Variants in CD160 observed in about 807,000 individuals in gnomAD.
The protein encoded by CD160 is CD160 antigen.
A neutral mutation model predicts 19.2 loss-of-function variants in CD160; 11 were observed. That is an observed-to-expected ratio of 0.57 (90% CI 0.36 to 0.95). CD160 has a LOEUF of 0.95. CD160 is among the 40% of genes least tolerant of loss of function. The pLI is 0.01. For synonymous variants in CD160, 75 were observed against 81.1 expected, an observed-to-expected ratio of 0.93 and a Z score of 0.40; for missense variants, 182 against 213.2, an observed-to-expected ratio of 0.85 and a Z score of 0.91.
chr1:145,734,493 T>C (rs1657408472), intron 4 of CD160, among the ~76,000 whole-genome samples: 1 of 152,250 alleles, frequency 6.6e-6, no homozygotes, highest in South Asian at 2.1e-4. Context: ...TTTCATTCTA[T>C]TTATGTGAAT....
chr1:145,722,837 G>C (rs922044612), intron 1 of CD160, among the ~76,000 whole-genome samples: 8 of 151,992 alleles, frequency 5.3e-5, no homozygotes, highest in Non-Finnish European at 1.0e-4. Context: ...CTCGTGATCT[G>C]CCCACCTCGG....
At chr1:145,738,460 C>T (rs782703165) in intron 5 of CD160, 26 bp from the exon 6 acceptor site, 3 of 1,317,100 alleles carry the variant, frequency 2.3e-6, no homozygotes, top group Non-Finnish European at 2.9e-6. Flanking sequence ...AGTTATAAGG[C>T]AGTAATACAA....
chr1:145,738,406 G>A, intron 5 of CD160, 80 bp from the exon 6 acceptor site: 2 of 959,938 alleles, frequency 2.1e-6, no homozygotes, highest in Non-Finnish European at 1.4e-6. Context: ...CGCATCTCAG[G>A]ACAGGTGAGA....
At chr1:145,732,294 T>A in intron 4 of CD160, among the ~76,000 whole-genome samples, 1 of 152,216 alleles carries the variant, frequency 6.6e-6, no homozygotes, top group Admixed American at 6.5e-5. Context: ...CCATGTGATC[T>A]TTTCAAAGAA....
chr1:145,723,449 C>G (rs1288955799), intron 1 of CD160, among the ~76,000 whole-genome samples: 1 of 151,878 alleles, frequency 6.6e-6, no homozygotes, highest in Non-Finnish European at 1.5e-5. Flanking sequence ...TAATAAGTAC[C>G]TTATTAAATT....
intron 2 of CD160, among the ~76,000 whole-genome samples, chr1:145,726,739 G>A (rs1657066469): frequency 6.6e-6 from 1 of 152,144 alleles, no homozygotes; most frequent in Admixed American, 6.5e-5. Context: ...TTAAAAAAAA[G>A]ATATAATGGG....
At chr1:145,733,234 A>G (rs929028730) in intron 4 of CD160, among the ~76,000 whole-genome samples, 3 of 152,120 alleles carry the variant, frequency 2.0e-5, no homozygotes, top group Non-Finnish European at 4.4e-5. Context: ...CCAAGGTTCA[A>G]GTGATTCTCC....
At chr1:145,724,172 T>A (rs1266594171) in intron 1 of CD160, among the ~76,000 whole-genome samples, 1 of 152,218 alleles carries the variant, frequency 6.6e-6, no homozygotes, top group African/African-American at 2.4e-5. Context: ...AACTCTGAAT[T>A]TTTAATTTGT....
chr1:145,726,885 A>G (rs1257857855), intron 2 of CD160, among the ~76,000 whole-genome samples: 1 of 152,214 alleles, frequency 6.6e-6, no homozygotes, highest in African/African-American at 2.4e-5. Flanking sequence ...TGAATATCAC[A>G]TTCTCGGATC....
At chr1:145,731,181 A>G (rs1430963935) in intron 4 of CD160, 111 bp downstream of exon 4, 2 of 801,250 alleles carry the variant, frequency 2.5e-6, no homozygotes, top group African/African-American at 3.4e-5. Flanking sequence ...TTCTTCCTCA[A>G]TCCTTTTCCA....
intron 1 of CD160, among the ~76,000 whole-genome samples, chr1:145,722,823 T>C (rs1305273290): frequency 3.9e-5 from 6 of 152,102 alleles, no homozygotes; most frequent in Admixed American, 3.9e-4. Context: ...CTCGATCTCC[T>C]GACCTCGTGA....
At chr1:145,723,266 T>C (rs1238410551) in intron 1 of CD160, among the ~76,000 whole-genome samples, 2 of 152,202 alleles carry the variant, frequency 1.3e-5, no homozygotes, top group Non-Finnish European at 2.9e-5. Context: ...GATTTTCTTT[T>C]ATGTTCCTTA....
intron 4 of CD160, among the ~76,000 whole-genome samples, chr1:145,733,164 C>T (rs1424542354): frequency 3.9e-5 from 6 of 152,062 alleles, no homozygotes; most frequent in East Asian, 1.9e-4. Context: ...GACAGACTCT[C>T]ACTCTGTGGT....
intron 2 of CD160, among the ~76,000 whole-genome samples, chr1:145,726,746 T>C (rs1254837957): frequency 6.6e-6 from 1 of 151,946 alleles, no homozygotes; most frequent in Non-Finnish European, 1.5e-5. Flanking sequence ...AAAGATATAA[T>C]GGGTAAAAGA....
intron 2 of CD160, among the ~76,000 whole-genome samples, chr1:145,726,341 T>C (rs188353213): frequency 2.0e-4 from 31 of 152,274 alleles, no homozygotes; most frequent in African/African-American, 7.0e-4. Flanking sequence ...CAAATGTCCA[T>C]CAATGATAGA....
chr1:145,720,706 C>G (rs1042729855), intron 1 of CD160, among the ~76,000 whole-genome samples: 1 of 152,170 alleles, frequency 6.6e-6, no homozygotes, highest in Non-Finnish European at 1.5e-5. Flanking sequence ...CCTCTTGTCC[C>G]CACCCTCCCC....
At chr1:145,730,590 C>T (rs1346932819) in intron 3 of CD160, among the ~76,000 whole-genome samples, 154 bp from the exon 4 acceptor site, 1 of 152,172 alleles carries the variant, frequency 6.6e-6, no homozygotes, top group East Asian at 1.9e-4. Context: ...ACACAGCCAT[C>T]GATAGAGCTG....
Position 145,733,779 on chromosome 1 carries a change from T to A in CD160, c.401-2218T>A, listed in dbSNP as rs587645133. Among the ~76,000 whole-genome samples the A allele has an allele frequency of 2.8e-3, 419 of 152,194 alleles. 3 individuals carry two copies. Among genetic ancestry groups the A allele is most frequent in the African/African-American group, 9.6e-3 (400 of 41,526 alleles). On this transcript the variant is annotated intron_variant, in intron 4 of 5. Transcript: ENST00000369288. Reference sequence around the variant, plus strand: ...CCTCCCACCTCTCAAACATGAGTATTCCCCAAGACTCACTTCTCACCCCTT... The same window carrying A: ...CCTCCCACCTCTCAAACATGAGTATACCCCAAGACTCACTTCTCACCCCTT...
intron 4 of CD160, among the ~76,000 whole-genome samples, chr1:145,732,380 G>A (rs1201443740): frequency 6.6e-6 from 1 of 152,092 alleles, no homozygotes; most frequent in Admixed American, 6.6e-5. Context: ...AGGAAACAAG[G>A]AGTCTAACAA....
Sources: gnomAD v4.1 joint callset for allele counts (sites outside exome capture counted in the v4.1 genomes callset) on GRCh38, gnomAD v4.1.1 for gene constraint, MANE v1.5 for transcripts, NCBI Gene and HGNC (gene_info 2026-07-23, HGNC 2026-07-21) for gene names.